Variants in HEPH observed in about 807,000 individuals in gnomAD.
The protein encoded by HEPH is hephaestin.
In HEPH, 69 loss-of-function variants were observed where a neutral mutation model predicts 80.8. That is an observed-to-expected ratio of 0.85 (90% CI 0.70 to 1.04). HEPH has a LOEUF of 1.04. Ranked by LOEUF, HEPH falls within the 50% of genes least tolerant of loss-of-function variation. HEPH has a pLI of 0.00. For missense variants in HEPH, 1,115 were observed against 891.3 expected (o/e 1.25, Z -3.20); for synonymous variants, 431 against 322.8 (o/e 1.34, Z -3.60).
intron 15 of HEPH, among the ~76,000 whole-genome samples, chrX:66,254,726 G>A (rs1430706152): frequency 9.2e-6 from 1 of 108,239 alleles, no homozygotes; most frequent in Non-Finnish European, 1.9e-5. Context: ...ATAAACCAAA[G>A]CAGAGCACCC....
chrX:66,220,714 T>C (rs982116224), intron 15 of HEPH, among the ~76,000 whole-genome samples: 2 of 111,510 alleles, frequency 1.8e-5, no homozygotes, highest in Non-Finnish European at 1.9e-5. Flanking sequence ...TCAAGGTGAC[T>C]TGTTTGGGCA....
chrX:66,186,517 C>T (rs976252813), intron 4 of HEPH, among the ~76,000 whole-genome samples: 1 of 112,889 alleles, frequency 8.9e-6, no homozygotes, highest in African/African-American at 3.2e-5. Context: ...ACTCCCTGAC[C>T]CCTTGTGCTT....
intron 15 of HEPH, among the ~76,000 whole-genome samples, chrX:66,214,430 C>A (rs1057505502): frequency 3.6e-5 from 4 of 111,642 alleles, no homozygotes; most frequent in African/African-American, 6.5e-5. Flanking sequence ...TGGCAGATAT[C>A]TTTTCCCGAT....
intron 4 of HEPH, among the ~76,000 whole-genome samples, chrX:66,179,814 G>A (rs753864145): frequency 1.4e-3 from 159 of 111,508 alleles, no homozygotes; most frequent in African/African-American, 4.8e-3. Context: ...GTTGAACAAG[G>A]CCTTTTATCA....
intron 10 of HEPH, 78 bp downstream of exon 10, chrX:66,197,972 G>A (rs12837361): frequency 1.6e-4 from 135 of 868,636 alleles, no homozygotes; most frequent in Non-Finnish European, 1.9e-4. Flanking sequence ...GTTAAGCATG[G>A]AACTGGGTTC....
chrX:66,176,547 G>A (rs1396962420), intron 4 of HEPH, among the ~76,000 whole-genome samples: 1 of 111,201 alleles, frequency 9.0e-6, no homozygotes, highest in African/African-American at 3.3e-5. Context: ...TGTGCACAAT[G>A]TACAGGTTTG....
At chrX:66,193,295 T>C (rs2087909853) in intron 7 of HEPH, among the ~76,000 whole-genome samples, 1 of 109,579 alleles carries the variant, frequency 9.1e-6, no homozygotes, top group Non-Finnish European at 1.9e-5. Context: ...ATGAGTTTCC[T>C]ATTTTTGGAA....
At chrX:66,224,620 C>T (rs1364584398) in intron 15 of HEPH, among the ~76,000 whole-genome samples, 1 of 111,887 alleles carries the variant, frequency 8.9e-6, no homozygotes, top group African/African-American at 3.2e-5. Flanking sequence ...TGCATTTGGG[C>T]CATCCAGGGG....
chrX:66,188,935 C>A lies in HEPH; in HGVS notation c.808+394C>A, dbSNP rs766523755. Among the ~76,000 whole-genome samples, 10 of 112,409 alleles carry A rather than the reference C, an allele frequency of 8.9e-5. No homozygotes were observed. The Admixed American group carries it at 9.4e-4, about 11-fold the overall frequency. On this transcript the variant is annotated intron_variant, in intron 5 of 20. Coordinates refer to ENST00000343002, the MANE Select transcript of HEPH (RefSeq NM_001367233.3). ...AAAGGAAGAAGTTAGCAGAATTATC[C>A]ACTTTGTGGAGAAAAATGGTTTCTT...
intron 15 of HEPH, among the ~76,000 whole-genome samples, chrX:66,232,541 T>A: frequency 9.0e-6 from 1 of 111,109 alleles, no homozygotes; most frequent in Middle Eastern, 4.7e-3. Flanking sequence ...GAAATCCTAG[T>A]GTAGTATTAG....
intron 15 of HEPH, among the ~76,000 whole-genome samples, chrX:66,221,873 G>A (rs1380347860): frequency 1.8e-5 from 2 of 112,510 alleles, no homozygotes; most frequent in Non-Finnish European, 3.7e-5. Context: ...GGTATTCTCT[G>A]TGGGACTCCA....
At chrX:66,215,523 GAACA>G (rs756770932) in intron 15 of HEPH, among the ~76,000 whole-genome samples, 1 of 111,494 alleles carries the variant, frequency 9.0e-6, no homozygotes, top group Non-Finnish European at 1.9e-5. Flanking sequence ...ATTTCCAAAT[GAACA>G]AACATTTATT....
chrX:66,254,275 A>G, intron 15 of HEPH, among the ~76,000 whole-genome samples: 1 of 111,303 alleles, frequency 9.0e-6, no homozygotes, highest in African/African-American at 3.3e-5. Flanking sequence ...GGATGGTTCT[A>G]AAATATAGGG....
At chrX:66,162,863 C>G (rs1298643255), upstream of HEPH, 1 of 1,153,785 alleles carries the variant, frequency 8.7e-7, no homozygotes, top group South Asian at 1.9e-5. Context: ...TAGCCAAGAT[C>G]TCCTCATCAC....
intron 15 of HEPH, among the ~76,000 whole-genome samples, chrX:66,221,310 G>C (rs2089636132): frequency 8.9e-6 from 1 of 112,250 alleles, no homozygotes; most frequent in Non-Finnish European, 1.9e-5. Context: ...CGGGCTCTCT[G>C]ATACTGGGAG....
At chrX:66,262,702 T>C (rs1229693916) in intron 19 of HEPH, among the ~76,000 whole-genome samples, 3 of 111,748 alleles carry the variant, frequency 2.7e-5, no homozygotes, top group Non-Finnish European at 5.6e-5. Context: ...GTTGAAGTGA[T>C]AGACCTTGGA....
At chrX:66,240,009 C>A (rs1221264859) in intron 15 of HEPH, among the ~76,000 whole-genome samples, 1 of 111,519 alleles carries the variant, frequency 9.0e-6, no homozygotes, top group Non-Finnish European at 1.9e-5. Flanking sequence ...ACAAACACAT[C>A]AAACAAACCA....
At chrX:66,220,449 T>C (rs912683992) in intron 15 of HEPH, among the ~76,000 whole-genome samples, 1 of 111,192 alleles carries the variant, frequency 9.0e-6, no homozygotes, top group Non-Finnish European at 1.9e-5. Flanking sequence ...GGGGGTTGGT[T>C]ATTACTAGCT....
rs5965112 is a variant in HEPH, at chrX:66,216,838, G to A, written c.2563+8592G>A. On this transcript the variant is annotated intron_variant, in intron 15 of 20. Coordinates refer to ENST00000343002, the MANE Select transcript of HEPH (RefSeq NM_001367233.3). ...TAAAAATATGATACAGGATATAAAT[G>A]AAAAAATATCCAGTGAAATAGACAG... 2.5e-3 allele frequency among the ~76,000 whole-genome samples: 276 copies of A among 111,396 alleles called. 5 individuals carry two copies. The Middle Eastern group carries it at 0.033, about 13-fold the overall frequency.
Sources: gnomAD v4.1 joint callset for allele counts (sites outside exome capture counted in the v4.1 genomes callset) on GRCh38, gnomAD v4.1.1 for gene constraint, MANE v1.5 for transcripts, NCBI Gene and HGNC (gene_info 2026-07-23, HGNC 2026-07-21) for gene names.